FOXJ3: variants seen among roughly 807,000 people sequenced by gnomAD.
The protein encoded by FOXJ3 is forkhead box protein J3.
Under a neutral mutation model 76.1 loss-of-function variants are expected in FOXJ3, and 22 were observed. The ratio of observed to expected loss-of-function variants is 0.29; its 90% CI spans 0.21 to 0.41. FOXJ3 has a LOEUF of 0.41. Among genes scored for constraint, FOXJ3 ranks in the 10% least tolerant of loss-of-function variants. FOXJ3 has a pLI of 1.00. For synonymous variants in FOXJ3, 269 were observed against 261.2 expected (o/e 1.03, Z -0.29); for missense variants, 613 against 762.1 (o/e 0.80, Z 2.30).
intron 1 of FOXJ3, among the ~76,000 whole-genome samples, chr1:42,312,562 G>A (rs1654877075): frequency 6.6e-6 from 1 of 152,210 alleles, no homozygotes; most frequent in Non-Finnish European, 1.5e-5. Context: ...TGAAAATAAC[G>A]AAAATGCTGA....
intron 5 of FOXJ3, among the ~76,000 whole-genome samples, chr1:42,226,659 T>C (rs2124450876): frequency 1.3e-5 from 2 of 152,260 alleles, no homozygotes; most frequent in South Asian, 4.1e-4. Flanking sequence ...ATGTCACCAA[T>C]ACTAAACTTT....
chr1:42,200,439 G>A (rs1569841636), intron 6 of FOXJ3, among the ~76,000 whole-genome samples: 1 of 152,086 alleles, frequency 6.6e-6, no homozygotes, highest in East Asian at 1.9e-4. Flanking sequence ...GTATTTGGAA[G>A]TATAAATCCT....
intron 1 of FOXJ3, among the ~76,000 whole-genome samples, chr1:42,333,161 A>G (rs1407111439): frequency 6.6e-6 from 1 of 152,200 alleles, no homozygotes; most frequent in Non-Finnish European, 1.5e-5. Context: ...TACTTAGCAT[A>G]ATGAAAAAAT....
chr1:42,222,280 G>A (rs1010707698), intron 5 of FOXJ3, among the ~76,000 whole-genome samples: 6 of 151,378 alleles, frequency 4.0e-5, no homozygotes, highest in African/African-American at 1.5e-4. Context: ...TCCAATTAAC[G>A]TCACTTCTTC....
chr1:42,251,782 G>C (rs1166638516), intron 4 of FOXJ3, among the ~76,000 whole-genome samples: 1 of 138,140 alleles, frequency 7.2e-6, no homozygotes, highest in South Asian at 2.3e-4. Context: ...GCAGTGGCGC[G>C]ATCTCGACTC....
intron 4 of FOXJ3, among the ~76,000 whole-genome samples, chr1:42,234,816 G>A (rs1203819743): frequency 1.3e-5 from 2 of 152,128 alleles, no homozygotes; most frequent in African/African-American, 4.8e-5. Context: ...CTACTGGGGG[G>A]TGCCTCCCAG....
At position 42,290,212 on chromosome 1, in the gene FOXJ3, T is replaced by C. The variant is rs77895671; in HGVS notation, c.45-11540A>G. 7.9e-5 allele frequency among the ~76,000 whole-genome samples: 12 copies of C among 152,180 alleles called. 1 individual carries two copies. The East Asian group carries it at 2.1e-3, about 27-fold the overall frequency. On this transcript the variant is annotated intron_variant, in intron 2 of 12. Coordinates refer to ENST00000361346, the MANE Select transcript of FOXJ3 (RefSeq NM_014947.5). Reference sequence around the variant, plus strand: ...GAGGACTACACCACCAGTCAATTCATTGGAGGAATTCATATTCATTGAAGG... The same window carrying C: ...GAGGACTACACCACCAGTCAATTCACTGGAGGAATTCATATTCATTGAAGG...
intron 1 of FOXJ3, among the ~76,000 whole-genome samples, chr1:42,327,297 C>T (rs933751000): frequency 6.6e-6 from 1 of 152,140 alleles, no homozygotes; most frequent in Non-Finnish European, 1.5e-5. Context: ...CCCAACTATC[C>T]TAGCAGAAAG....
intron 4 of FOXJ3, among the ~76,000 whole-genome samples, chr1:42,248,250 A>G (rs1202750356): frequency 6.6e-6 from 1 of 152,138 alleles, no homozygotes; most frequent in African/African-American, 2.4e-5. Context: ...AAAAGACAAC[A>G]TTGGCCGGGC....
chr1:42,263,136 A>G (rs1651188496), intron 4 of FOXJ3, among the ~76,000 whole-genome samples: 1 of 152,208 alleles, frequency 6.6e-6, no homozygotes, highest in Admixed American at 6.5e-5. Flanking sequence ...GCAAAGAGTA[A>G]CATGTTTTCC....
chr1:42,248,735 T>TTTC (rs1277064646), intron 4 of FOXJ3, among the ~76,000 whole-genome samples: 1 of 143,700 alleles, frequency 7.0e-6, no homozygotes, highest in African/African-American at 2.6e-5. Flanking sequence ...TTTTTCTTTT[T>TTTC]TTTTTTTTTT....
At chr1:42,274,519 C>G (rs1235768519) in intron 3 of FOXJ3, among the ~76,000 whole-genome samples, 1 of 152,186 alleles carries the variant, frequency 6.6e-6, no homozygotes, top group African/African-American at 2.4e-5. Flanking sequence ...CAAATCCTGA[C>G]TCTATCATTC....
chr1:42,185,837 C>A (rs946384628), intron 11 of FOXJ3, among the ~76,000 whole-genome samples: 5 of 152,090 alleles, frequency 3.3e-5, no homozygotes, highest in African/African-American at 1.2e-4. Flanking sequence ...TCCACACTAG[C>A]ACACTACACC....
chr1:42,294,160 A>G (rs895773669), intron 2 of FOXJ3, among the ~76,000 whole-genome samples: 2 of 152,208 alleles, frequency 1.3e-5, no homozygotes, highest in Non-Finnish European at 2.9e-5. Context: ...CCCAATGATC[A>G]TAAGGAATCC....
intron 4 of FOXJ3, among the ~76,000 whole-genome samples, chr1:42,263,168 T>C (rs1321747239): frequency 1.3e-5 from 2 of 152,148 alleles, no homozygotes; most frequent in Admixed American, 1.3e-4. Flanking sequence ...ACCCCATATA[T>C]TAAAGATGAA....
rs72952309 is a variant in FOXJ3, at chr1:42,197,414, T to C, written c.759+1688A>G. 2.8e-3 allele frequency among the ~76,000 whole-genome samples: 421 copies of C among 152,204 alleles called. 2 individuals are homozygous for C. The highest frequency in any genetic ancestry group is 9.8e-3 in the African/African-American group (406 of 41,522). On this transcript the variant is annotated intron_variant, in intron 7 of 12. Coordinates refer to ENST00000361346, the MANE Select transcript of FOXJ3 (RefSeq NM_014947.5). The stretch of plus-strand genomic sequence containing the variant: ...ATATAATTTACTCATTCTGTTAGAG[T>C]ATTTTTATGGGTAACTACTTATGAA...
intron 1 of FOXJ3, among the ~76,000 whole-genome samples, chr1:42,334,569 C>G (rs920116104): frequency 2.0e-5 from 3 of 152,230 alleles, no homozygotes; most frequent in Non-Finnish European, 4.4e-5. Context: ...GCATGGGCCT[C>G]CTCTCCCCAA....
chr1:42,309,075 T>G (rs1397876354), intron 2 of FOXJ3, among the ~76,000 whole-genome samples: 1 of 151,206 alleles, frequency 6.6e-6, no homozygotes, highest in African/African-American at 2.4e-5. Context: ...GTCAAATATG[T>G]AAAAACTACA....
intron 6 of FOXJ3, among the ~76,000 whole-genome samples, chr1:42,205,120 A>G (rs890385736): frequency 3.3e-5 from 5 of 152,194 alleles, no homozygotes. Flanking sequence ...ACAGATGAAC[A>G]AAACTGGATT....
Sources: allele counts gnomAD v4.1 joint callset (sites outside exome capture counted in the v4.1 genomes callset), GRCh38; gene constraint gnomAD v4.1.1; transcripts MANE v1.5; gene names NCBI Gene and HGNC (gene_info 2026-07-23, HGNC 2026-07-21).